NAV3: variants seen among roughly 807,000 people sequenced by gnomAD.
The protein encoded by NAV3 is pore membrane and/or filament interacting like protein 1.
A neutral mutation model predicts 244.7 loss-of-function variants in NAV3; 87 were observed. The observed-to-expected ratio is 0.36, with a 90% CI of 0.30 to 0.42. The LOEUF is 0.42. NAV3 is among the 20% of genes least tolerant of loss of function. The pLI is 1.00. For synonymous variants in NAV3, 1,126 were observed against 1,042.2 expected, an observed-to-expected ratio of 1.08 and a Z score of -1.55; for missense variants, 2,663 against 2,893.3, an observed-to-expected ratio of 0.92 and a Z score of 1.83.
At chr12:78,155,201 G>A (rs1250396735) in intron 22 of NAV3, among the ~76,000 whole-genome samples, 3 of 151,960 alleles carry the variant, frequency 2.0e-5, no homozygotes, top group Non-Finnish European at 2.9e-5. Flanking sequence ...AGGCCCTAGT[G>A]TGTGTTGTTC....
chr12:78,033,914 C>A (rs1230276265), intron 9 of NAV3, among the ~76,000 whole-genome samples: 1 of 152,158 alleles, frequency 6.6e-6, no homozygotes, highest in East Asian at 1.9e-4. Flanking sequence ...TCTCTCACCT[C>A]TCTTTTCCTT....
intron 1 of NAV3, among the ~76,000 whole-genome samples, chr12:77,917,925 C>A (rs1170665962): frequency 6.6e-6 from 1 of 151,956 alleles, no homozygotes; most frequent in East Asian, 1.9e-4. Flanking sequence ...CCAAAAGGAT[C>A]CTTATAATTG....
rs139517478 is a variant in NAV3 at position 77,896,226 on chromosome 12, C to T, written c.244-44093C>T. Among the ~76,000 whole-genome samples the T allele has an allele frequency of 3.2e-3, 486 of 152,100 alleles. 2 individuals are homozygous for T. The highest frequency in any genetic ancestry group is 0.011 in the African/African-American group (466 of 41,500). ...GTGAACTCTGAAGTTCACTGTAAGT[C>T]GATATAGTAAGATAGCTCATGGGTC... On this transcript the variant is annotated intron_variant, in intron 1 of 39. Transcript: ENST00000397909.
chr12:77,783,356 A>G (rs558944620), intron 2 of NAV3: 2 of 152,082 alleles, frequency 1.3e-5, no homozygotes, highest in African/African-American at 2.4e-5. Flanking sequence ...GATTGCCAGT[A>G]TCTGGCAGCC....
chr12:77,963,877 TTCCTTCTCCTTCCTTC>T (rs1232690039), intron 3 of NAV3, among the ~76,000 whole-genome samples: 3 of 20,878 alleles, frequency 1.4e-4, no homozygotes, highest in Admixed American at 1.2e-3. Context: ...CCCTCCTTCC[TTCCTTCTCCTTCCTTC>T]TCCTTCTCCT....
At chr12:78,081,265 T>C (rs1250118076) in intron 12 of NAV3, among the ~76,000 whole-genome samples, 2 of 152,238 alleles carry the variant, frequency 1.3e-5, no homozygotes, top group Non-Finnish European at 2.9e-5. Context: ...AAAGAATCTC[T>C]GTTGGTCAGA....
At chr12:77,980,933 A>G (rs1425127418) in intron 5 of NAV3, among the ~76,000 whole-genome samples, 2 of 152,160 alleles carry the variant, frequency 1.3e-5, no homozygotes, top group East Asian at 1.9e-4. Context: ...TTGAGATCCC[A>G]CAAAAGCAGA....
intron 34 of NAV3, among the ~76,000 whole-genome samples, chr12:78,192,409 A>AT (rs1959022386): frequency 2.0e-5 from 3 of 149,106 alleles, no homozygotes; most frequent in South Asian, 2.1e-4. Context: ...TTTTATTTTT[A>AT]TTTATTTTTT....
chr12:78,069,780 C>G (rs945589148), intron 12 of NAV3, among the ~76,000 whole-genome samples: 1 of 151,832 alleles, frequency 6.6e-6, no homozygotes, highest in Non-Finnish European at 1.5e-5. Context: ...AGATGCCTCA[C>G]ATATCGTGTG....
chr12:77,988,875 C>G (rs772903507), intron 5 of NAV3, among the ~76,000 whole-genome samples: 4 of 152,024 alleles, frequency 2.6e-5, no homozygotes, highest in African/African-American at 4.8e-5. Flanking sequence ...AACTTGAAAC[C>G]TGGGAAATGG....
intron 11 of NAV3, 56 bp from the exon 12 acceptor site, chr12:78,058,940 A>T: frequency 1.4e-6 from 2 of 1,469,654 alleles, no homozygotes; most frequent in Non-Finnish European, 1.8e-6. Context: ...ATTAAGTTAA[A>T]TTGTACAGTT....
chr12:77,669,952 G>A (rs1008281575), intron 2 of NAV3, among the ~76,000 whole-genome samples: 21 of 151,936 alleles, frequency 1.4e-4, no homozygotes, highest in African/African-American at 4.8e-4. Flanking sequence ...GAAGATCAGA[G>A]CAGAATTAAA....
At chr12:78,142,842 T>C (rs930269365) in intron 20 of NAV3, among the ~76,000 whole-genome samples, 30 of 151,398 alleles carry the variant, frequency 2.0e-4, no homozygotes, top group Non-Finnish European at 7.4e-5. Context: ...GTGATATTAT[T>C]AGAAAATTGA....
intron 11 of NAV3, among the ~76,000 whole-genome samples, chr12:78,055,337 G>T (rs980839824): frequency 3.0e-4 from 45 of 152,032 alleles, no homozygotes; most frequent in African/African-American, 9.7e-4. Flanking sequence ...TTTAACAACT[G>T]AATTCTGCAT....
At chr12:78,135,792 GGCA>G (rs1040899370) in intron 18 of NAV3, among the ~76,000 whole-genome samples, 5 of 152,074 alleles carry the variant, frequency 3.3e-5, no homozygotes, top group African/African-American at 1.2e-4. Context: ...TTGAAAGATA[GGCA>G]GATCCTCTCC....
intron 2 of NAV3, among the ~76,000 whole-genome samples, chr12:77,657,377 G>A (rs1046089972): frequency 7.1e-4 from 108 of 152,180 alleles, no homozygotes; most frequent in Middle Eastern, 3.4e-3. Flanking sequence ...TAAATTCCTC[G>A]ACACATACAC....
intron 1 of NAV3, among the ~76,000 whole-genome samples, chr12:77,877,556 CA>C (rs1882015136): frequency 1.3e-5 from 2 of 151,924 alleles, no homozygotes; most frequent in Non-Finnish European, 2.9e-5. Flanking sequence ...ACTTCTGGAG[CA>C]AAAAAGTGGA....
intron 2 of NAV3, among the ~76,000 whole-genome samples, chr12:77,785,128 A>G (rs951710872): frequency 2.6e-5 from 4 of 152,162 alleles, no homozygotes; most frequent in African/African-American, 7.2e-5. Flanking sequence ...AGACTTGGAA[A>G]ATAGACAGGA....
chr12:77,694,891 C>T (rs1265427065), intron 2 of NAV3, among the ~76,000 whole-genome samples: 2 of 152,072 alleles, frequency 1.3e-5, no homozygotes, highest in Non-Finnish European at 2.9e-5. Context: ...GTTGCCTGCA[C>T]ATGGAAAGAG....
Sources: allele counts gnomAD v4.1 joint callset (sites outside exome capture counted in the v4.1 genomes callset), GRCh38; gene constraint gnomAD v4.1.1; transcripts MANE v1.5; gene names NCBI Gene and HGNC (gene_info 2026-07-23, HGNC 2026-07-21).